The following BFSP2 variants were observed in gnomAD, a reference collection of about 807,000 sequenced individuals.
BFSP2 encodes the protein phakinin.
BFSP2 carries 38 observed loss-of-function variants against 44.9 expected under a neutral mutation model. The observed-to-expected ratio is 0.85, with a 90% CI of 0.65 to 1.11. BFSP2 has a LOEUF of 1.11. Ranked by LOEUF, BFSP2 falls within the 50% of genes least tolerant of loss-of-function variation. The pLI is 0.00. For missense variants in BFSP2, 525 were observed against 533.0 expected (o/e 0.99, Z 0.15); for synonymous variants, 197 against 209.9 (o/e 0.94, Z 0.53).
chr3:133,440,079 GGC>G (rs2073829659), intron 1 of BFSP2, among the ~76,000 whole-genome samples: 1 of 152,190 alleles, frequency 6.6e-6, no homozygotes, highest in Non-Finnish European at 1.5e-5. Context: ...TCACAATCAT[GGC>G]AGAAGGCAAA....
chr3:133,417,747 C>A (rs111162465), intron 1 of BFSP2, among the ~76,000 whole-genome samples: 6,582 of 143,404 alleles, frequency 0.046, 127 homozygotes, highest in African/African-American at 0.087. Flanking sequence ...CGTCCTCTCC[C>A]CTCTACTCAC....
At chr3:133,426,596 G>A (rs2073656388) in intron 1 of BFSP2, among the ~76,000 whole-genome samples, 1 of 152,152 alleles carries the variant, frequency 6.6e-6, no homozygotes, top group South Asian at 2.1e-4. Context: ...AAAAGCAAAG[G>A]GTCCACTCTG....
intron 3 of BFSP2, among the ~76,000 whole-genome samples, chr3:133,449,500 TTTTGTTTG>T (rs144765332): frequency 0.84 from 126,949 of 150,898 alleles, 55,014 homozygotes; most frequent in Non-Finnish European, 0.95. Flanking sequence ...ACATGTGGTT[TTTTGTTTG>T]TTTGTTTGTT....
chr3:133,416,378 CTCCCCTCTACTCACCCCTGCCCTT>C lies in BFSP2; in HGVS notation c.489+15819_489+15842del, dbSNP rs1247083487. Among the ~76,000 whole-genome samples, 10 of 146,116 alleles carry C rather than the reference CTCCCCTCTACTCACCCCTGCCCTT, an allele frequency of 6.8e-5. No individual in the cohort carries two copies. In the South Asian group the frequency reaches 1.6e-3, roughly 23 times the overall value. ...TGTCCCCTCTACTCATGCCTGCCCT[CTCCCCTCTACTCACCCCTGCCCTT>C]TCCCCTCTACTCTCCCCTATACTCA... On this transcript the variant is annotated intron_variant, in intron 1 of 6. Transcript: ENST00000302334.
chr3:133,470,870 C>T (rs539227440), intron 5 of BFSP2, among the ~76,000 whole-genome samples: 2 of 152,168 alleles, frequency 1.3e-5, no homozygotes, highest in Non-Finnish European at 2.9e-5. Flanking sequence ...TCTCCTAACC[C>T]AGCTTGGTGA....
intron 5 of BFSP2, 52 bp from the exon 6 acceptor site, chr3:133,472,293 C>T: frequency 1.3e-6 from 2 of 1,558,708 alleles, no homozygotes; most frequent in African/African-American, 1.4e-5. Flanking sequence ...CCTCCCTCTT[C>T]AAGGGCCCGG....
intron 6 of BFSP2, 139 bp downstream of exon 6, chr3:133,472,704 C>T (rs2074176499): frequency 1.1e-6 from 1 of 941,694 alleles, no homozygotes; most frequent in East Asian, 2.6e-5. Flanking sequence ...TTCCCACAGC[C>T]TAGCTGTGTC....
At chr3:133,440,919 T>C in intron 1 of BFSP2, among the ~76,000 whole-genome samples, 1 of 152,112 alleles carries the variant, frequency 6.6e-6, no homozygotes, top group Admixed American at 6.6e-5. Flanking sequence ...CTCAGATGTC[T>C]CTCATTCTCC....
At chr3:133,408,843 C>T (rs767860291) in intron 1 of BFSP2, among the ~76,000 whole-genome samples, 17 of 151,964 alleles carry the variant, frequency 1.1e-4, no homozygotes, top group Admixed American at 4.6e-4. Flanking sequence ...ATAAAACAAA[C>T]CATAAGTATT....
intron 6 of BFSP2, among the ~76,000 whole-genome samples, chr3:133,473,908 A>G (rs1433357423): frequency 6.6e-6 from 1 of 152,194 alleles, no homozygotes; most frequent in African/African-American, 2.4e-5. Flanking sequence ...TGAGGCTTGC[A>G]GTGGACTGTC....
rs116678661 is a variant in BFSP2 at position 133,463,992 on chromosome 3, G to A, written c.892-2836G>A. Among the ~76,000 whole-genome samples, 262 of 152,184 alleles carry A rather than the reference G, an allele frequency of 1.7e-3. 2 individuals carry two copies. Among genetic ancestry groups the A allele is most frequent in the African/African-American group, 5.4e-3 (226 of 41,522 alleles). On this transcript the variant is annotated intron_variant, in intron 4 of 6. Transcript: ENST00000302334. ...CCTGAAAATTTAAAAATCAGCTCCC[G>A]TGAGCTGTTAGGAGCAAGTTCTAGC...
intron 1 of BFSP2, among the ~76,000 whole-genome samples, chr3:133,424,224 T>TGTGTGTGTGTG (rs1553778837): frequency 1.6e-5 from 2 of 126,786 alleles, no homozygotes; most frequent in Admixed American, 1.5e-4. Context: ...TTTTTTTTTT[T>TGTGTGTGTGTG]TTTTTTTTTT....
intron 1 of BFSP2, among the ~76,000 whole-genome samples, chr3:133,416,704 T>C (rs1308836633): frequency 5.9e-5 from 5 of 84,230 alleles, no homozygotes; most frequent in Non-Finnish European, 9.2e-5. Context: ...ACCCCTCTAC[T>C]CTCCCCATCC....
At chr3:133,455,869 G>C (rs1472104429) in intron 4 of BFSP2, 1 of 152,548 alleles carries the variant, frequency 6.6e-6, no homozygotes, top group Non-Finnish European at 1.5e-5. Flanking sequence ...CCCTAAGCCT[G>C]GTCTGAAGTC....
At chr3:133,438,857 G>C (rs73211877) in intron 1 of BFSP2, among the ~76,000 whole-genome samples, 1,703 of 152,170 alleles carry the variant, frequency 0.011, 20 homozygotes, top group Middle Eastern at 0.02. Context: ...GTGGAGGGAT[G>C]GGGGGGTCAT....
chr3:133,470,097 T>A (rs1269476136), intron 5 of BFSP2, among the ~76,000 whole-genome samples: 1 of 152,214 alleles, frequency 6.6e-6, no homozygotes, highest in Non-Finnish European at 1.5e-5. Flanking sequence ...CATTTCTGCA[T>A]CCTCACTGCT....
rs141772672 is a variant in BFSP2, at chr3:133,421,046, G to T, written c.489+20474G>T. On this transcript the variant is annotated intron_variant, in intron 1 of 6. Transcript: ENST00000302334. Reference sequence around the variant, plus strand: ...CCCTGTTTCATAGGATTGCTGTGGGGATGCTGGCTGGAGATAATGCATGTA... The same window carrying T: ...CCCTGTTTCATAGGATTGCTGTGGGTATGCTGGCTGGAGATAATGCATGTA... 2.2e-3 allele frequency among the ~76,000 whole-genome samples: 334 copies of T among 152,330 alleles called. 1 individual carries two copies. The highest frequency in any genetic ancestry group is 7.9e-3 in the African/African-American group (328 of 41,568).
intron 4 of BFSP2, among the ~76,000 whole-genome samples, chr3:133,456,099 A>G (rs771963099): frequency 4.6e-5 from 7 of 152,202 alleles, no homozygotes; most frequent in Admixed American, 6.5e-5. Flanking sequence ...GAGAGAACTC[A>G]GTCTGTCTTA....
At chr3:133,426,911 T>C (rs6804296) in intron 1 of BFSP2, among the ~76,000 whole-genome samples, 127,451 of 152,214 alleles carry the variant, frequency 0.84, 53,581 homozygotes, top group Middle Eastern at 0.94. Flanking sequence ...ATGACATAGC[T>C]TCATGTCCAG....
Sources: gnomAD v4.1 joint callset for allele counts (sites outside exome capture counted in the v4.1 genomes callset) on GRCh38, gnomAD v4.1.1 for gene constraint, MANE v1.5 for transcripts, NCBI Gene and HGNC (gene_info 2026-07-23, HGNC 2026-07-21) for gene names.